Variants in PTPRD observed in about 807,000 individuals in gnomAD.
The protein encoded by PTPRD is protein tyrosine phosphatase receptor type D, also known as receptor-type tyrosine-protein phosphatase delta.
Under a neutral mutation model 214.5 loss-of-function variants are expected in PTPRD, and 34 were observed. That is an observed-to-expected ratio of 0.16 (90% CI 0.12 to 0.21). The LOEUF (loss-of-function observed/expected upper bound fraction) is 0.21. PTPRD is among the 10% of genes least tolerant of loss of function. The probability of loss-of-function intolerance (pLI) is 1.00; values close to 1 mark genes in which losing one functional copy is unlikely to be tolerated. For missense variants in PTPRD, 2,545 were observed against 2,398.7 expected, an observed-to-expected ratio of 1.06 and a Z score of -1.27; for synonymous variants, 1,128 against 845.7, an observed-to-expected ratio of 1.33 and a Z score of -5.79.
intron 11 of PTPRD, among the ~76,000 whole-genome samples, chr9:8,813,401 C>T (rs543809111): frequency 2.0e-5 from 3 of 152,284 alleles, no homozygotes; most frequent in African/African-American, 7.2e-5. Context: ...AAGTACAATG[C>T]ATGCTATTCC....
intron 43 of PTPRD, among the ~76,000 whole-genome samples, chr9:8,335,993 C>G (rs200137893): frequency 2.0e-5 from 3 of 151,724 alleles, no homozygotes; most frequent in Admixed American, 6.6e-5. Flanking sequence ...TCCATGCTCA[C>G]GGATAGGAAG....
chr9:10,022,527 A>G (rs1443753145), intron 4 of PTPRD, among the ~76,000 whole-genome samples: 2 of 152,222 alleles, frequency 1.3e-5, no homozygotes, highest in East Asian at 3.9e-4. Flanking sequence ...GGTTTTTGCC[A>G]TTGAAAGTAA....
At chr9:10,308,762 G>A (rs1179417229) in intron 3 of PTPRD, among the ~76,000 whole-genome samples, 5 of 151,814 alleles carry the variant, frequency 3.3e-5, no homozygotes, top group African/African-American at 1.2e-4. Flanking sequence ...TCCTTGCAGA[G>A]GTTTTTCACC....
intron 10 of PTPRD, among the ~76,000 whole-genome samples, chr9:9,081,673 G>C (rs1057150513): frequency 6.6e-6 from 1 of 151,994 alleles, no homozygotes; most frequent in Non-Finnish European, 1.5e-5. Context: ...ATGAATCTGG[G>C]TGCTCCTGTA....
At chr9:9,787,657 A>G (rs935117170) in intron 5 of PTPRD, among the ~76,000 whole-genome samples, 3 of 152,074 alleles carry the variant, frequency 2.0e-5, no homozygotes, top group African/African-American at 4.8e-5. Context: ...ATAAAGGAAA[A>G]GAGGATAAAA....
intron 8 of PTPRD, among the ~76,000 whole-genome samples, chr9:9,421,182 C>A (rs1366183989): frequency 6.6e-6 from 1 of 151,770 alleles, no homozygotes; most frequent in Non-Finnish European, 1.5e-5. Context: ...ATGGCCCTGC[C>A]TTTATATATT....
chr9:9,479,437 C>T (rs1283327775), intron 8 of PTPRD, among the ~76,000 whole-genome samples: 1 of 151,820 alleles, frequency 6.6e-6, no homozygotes, highest in Non-Finnish European at 1.5e-5. Context: ...CCAATAATAA[C>T]AGTTACCAGT....
At chr9:8,591,241 G>A (rs943116431) in intron 14 of PTPRD, among the ~76,000 whole-genome samples, 2 of 152,160 alleles carry the variant, frequency 1.3e-5, no homozygotes, top group Non-Finnish European at 2.9e-5. Context: ...GCCTTGTAGG[G>A]TAACATAGTC....
At chr9:10,351,531 G>A (rs1597808102) in intron 2 of PTPRD, among the ~76,000 whole-genome samples, 1 of 152,008 alleles carries the variant, frequency 6.6e-6, no homozygotes, top group Non-Finnish European at 1.5e-5. Context: ...CTGCTAAATA[G>A]CCACGTTGGA....
At chr9:8,632,647 C>T (rs2096288531) in intron 14 of PTPRD, among the ~76,000 whole-genome samples, 1 of 151,944 alleles carries the variant, frequency 6.6e-6, no homozygotes, top group African/African-American at 2.4e-5. Flanking sequence ...TTCTCCAGCA[C>T]TCTCATTGTA....
At chr9:9,881,323 C>G (rs1177629622) in intron 5 of PTPRD, among the ~76,000 whole-genome samples, 1 of 152,070 alleles carries the variant, frequency 6.6e-6, no homozygotes, top group African/African-American at 2.4e-5. Context: ...CAATTTATTT[C>G]TCTCACCATT....
At chr9:9,727,664 G>C (rs575673262) in intron 7 of PTPRD, among the ~76,000 whole-genome samples, 1 of 152,218 alleles carries the variant, frequency 6.6e-6, no homozygotes, top group South Asian at 2.1e-4. Flanking sequence ...TGAATATAAT[G>C]TAATTTTTGC....
intron 11 of PTPRD, chr9:8,857,792 C>G (rs940953674): frequency 4.5e-5 from 7 of 156,170 alleles, no homozygotes; most frequent in Non-Finnish European, 9.9e-5. Flanking sequence ...CCGAAGCCCC[C>G]CTGGTCGCCG....
At chr9:8,961,727 C>T (rs2099159821) in intron 11 of PTPRD, among the ~76,000 whole-genome samples, 1 of 151,998 alleles carries the variant, frequency 6.6e-6, no homozygotes, top group Admixed American at 6.6e-5. Context: ...CAAAGAAGCC[C>T]AACTGTTACT....
At chr9:9,435,303 G>A (rs2084781547) in intron 8 of PTPRD, among the ~76,000 whole-genome samples, 1 of 151,892 alleles carries the variant, frequency 6.6e-6, no homozygotes, top group Admixed American at 6.6e-5. Context: ...CTGAAGCCAG[G>A]AGTTTGAGAC....
chr9:9,190,835 C>T lies in PTPRD; in HGVS notation c.-202-7472G>A, dbSNP rs145282036. ...AGTCACAAAGATTTTAGAGTTACTA[C>T]TGTCTCATAACCCAGTGCATCCTGA... On this transcript the variant is annotated intron_variant, in intron 9 of 45. Coordinates refer to ENST00000381196, the MANE Select transcript of PTPRD (RefSeq NM_002839.4). Among the ~76,000 whole-genome samples, 140 of 152,232 alleles carry T rather than the reference C, an allele frequency of 9.2e-4. 3 individuals are homozygous for T. The East Asian group carries it at 0.026, about 28-fold the overall frequency.
At chr9:8,525,072 C>A in intron 17 of PTPRD, 37 bp from the exon 18 acceptor site, 1 of 1,543,124 alleles carries the variant, frequency 6.5e-7, no homozygotes, top group Non-Finnish European at 9.0e-7. Flanking sequence ...AAGAGATGAT[C>A]AGAGAAGGCT....
chr9:8,988,077 A>C (rs959439316), intron 11 of PTPRD, among the ~76,000 whole-genome samples: 3 of 152,058 alleles, frequency 2.0e-5, no homozygotes, highest in Non-Finnish European at 2.9e-5. Flanking sequence ...TTAGAAATGT[A>C]GATGCTTCCC....
At chr9:9,417,385 A>C (rs1161583716) in intron 8 of PTPRD, among the ~76,000 whole-genome samples, 1 of 152,148 alleles carries the variant, frequency 6.6e-6, no homozygotes, top group Non-Finnish European at 1.5e-5. Context: ...AACAGATTCA[A>C]GTAAAAACCT....
Sources: allele counts gnomAD v4.1 joint callset (sites outside exome capture counted in the v4.1 genomes callset), GRCh38; gene constraint gnomAD v4.1.1; transcripts MANE v1.5; gene names NCBI Gene and HGNC (gene_info 2026-07-23, HGNC 2026-07-21).